Variants in OXCT1 observed in about 807,000 individuals in gnomAD.
OXCT1 encodes the protein 3-oxoacid CoA-transferase 1, also known as succinyl-CoA:3-ketoacid coenzyme A transferase 1, mitochondrial.
In OXCT1, 27 loss-of-function variants were observed where a neutral mutation model predicts 69.6. The observed-to-expected ratio is 0.39, with a 90% CI of 0.29 to 0.54. The LOEUF is 0.54. Among genes scored for constraint, OXCT1 ranks in the 20% least tolerant of loss-of-function variants. The pLI is 0.72. For synonymous variants in OXCT1, 202 were observed against 217.8 expected, an observed-to-expected ratio of 0.93 and a Z score of 0.64; for missense variants, 437 against 650.2, an observed-to-expected ratio of 0.67 and a Z score of 3.57.
At chr5:41,739,531 T>A in intron 15 of OXCT1, 40 bp from the exon 16 acceptor site, 1 of 1,398,186 alleles carries the variant, frequency 7.2e-7, no homozygotes, top group Non-Finnish European at 1.0e-6. Flanking sequence ...ACAATTTCCA[T>A]CAAAATAATT....
At chr5:41,757,819 A>G (rs770391224) in intron 14 of OXCT1, among the ~76,000 whole-genome samples, 10 of 150,764 alleles carry the variant, frequency 6.6e-5, no homozygotes, top group Non-Finnish European at 1.3e-4. Context: ...GCCTTTCTGT[A>G]GATCTTAGTA....
chr5:41,791,912 T>A (rs1407013883), intron 13 of OXCT1, among the ~76,000 whole-genome samples: 1 of 152,302 alleles, frequency 6.6e-6, no homozygotes, highest in East Asian at 1.9e-4. Flanking sequence ...CACGCCATTC[T>A]CCTGCCTCAG....
intron 7 of OXCT1, among the ~76,000 whole-genome samples, chr5:41,813,633 T>TGC (rs1747091592): frequency 6.6e-6 from 1 of 152,040 alleles, no homozygotes; most frequent in Non-Finnish European, 1.5e-5. Flanking sequence ...AGGGTTTGGG[T>TGC]GCATCCCTTT....
At chr5:41,766,289 T>A (rs1205372309) in intron 13 of OXCT1, among the ~76,000 whole-genome samples, 1 of 152,130 alleles carries the variant, frequency 6.6e-6, no homozygotes, top group Admixed American at 6.6e-5. Flanking sequence ...ACAACAGTTA[T>A]ACAACCTTTC....
Position 41,739,745 on chromosome 5 carries a change from C to A in OXCT1, c.1420-254G>T, listed in dbSNP as rs573656272. 9.8e-4 allele frequency: 363 copies of A among 371,550 alleles called. 6 individuals carry two copies. Among genetic ancestry groups the A allele is most frequent in the South Asian group, 7.5e-3 (346 of 46,114 alleles). The allele number at this position is 371,550 out of a possible 1,614,324, so 23.0% of individuals were successfully genotyped here. A position where few individuals can be genotyped will look rare whatever the true frequency, so the allele number is the denominator to read the frequency against. Reference sequence around the variant, plus strand: ...AATTAGCTGGGCATGGTGGCAGGCACCTGTAGTCCCAGCTACTTGGGAGGC... The same window carrying A: ...AATTAGCTGGGCATGGTGGCAGGCAACTGTAGTCCCAGCTACTTGGGAGGC... On this transcript the variant is annotated intron_variant, in intron 15 of 16. Transcript: ENST00000196371.
intron 16 of OXCT1, among the ~76,000 whole-genome samples, chr5:41,733,055 G>GACTTAT (rs1742713820): frequency 6.6e-6 from 1 of 152,082 alleles, no homozygotes; most frequent in Non-Finnish European, 1.5e-5. Flanking sequence ...AACGCATTAT[G>GACTTAT]ACTTATTTCT....
intron 7 of OXCT1, among the ~76,000 whole-genome samples, chr5:41,833,202 AC>A (rs1748182347): frequency 6.6e-6 from 1 of 152,194 alleles, no homozygotes; most frequent in Non-Finnish European, 1.5e-5. Context: ...CTCCAAAGCT[AC>A]CTTTTGCGAG....
At chr5:41,752,213 A>G (rs536858159) in intron 14 of OXCT1, among the ~76,000 whole-genome samples, 7 of 152,168 alleles carry the variant, frequency 4.6e-5, no homozygotes, top group Non-Finnish European at 1.0e-4. Flanking sequence ...TCTGCCATAC[A>G]ATTTTTGTGG....
intron 13 of OXCT1, among the ~76,000 whole-genome samples, chr5:41,768,759 C>T (rs1744735982): frequency 1.3e-5 from 2 of 152,190 alleles, no homozygotes; most frequent in South Asian, 4.1e-4. Flanking sequence ...CAGCTTTGTC[C>T]CTCTCTGTCC....
chr5:41,761,596 AG>A (rs574007012), intron 14 of OXCT1, among the ~76,000 whole-genome samples: 235 of 152,268 alleles, frequency 1.5e-3, no homozygotes, highest in African/African-American at 5.4e-3. Context: ...TCAAAATAAA[AG>A]TATAATACCT....
At chr5:41,807,522 C>T (rs1000415317) in intron 7 of OXCT1, 84 bp from the exon 8 acceptor site, 41 of 764,348 alleles carry the variant, frequency 5.4e-5, no homozygotes, top group Middle Eastern at 3.4e-4. Flanking sequence ...CACAACTTCA[C>T]ATACAACTTA....
intron 5 of OXCT1, among the ~76,000 whole-genome samples, chr5:41,845,825 T>G (rs1412400738): frequency 6.6e-6 from 1 of 152,162 alleles, no homozygotes; most frequent in Non-Finnish European, 1.5e-5. Context: ...TCCTGTCTTT[T>G]ACTTTGTCAA....
chr5:41,738,968 A>G (rs1476742416), intron 16 of OXCT1, among the ~76,000 whole-genome samples: 1 of 152,258 alleles, frequency 6.6e-6, no homozygotes, highest in African/African-American at 2.4e-5. Flanking sequence ...CATAGAATTT[A>G]GAGAAAGTCA....
intron 14 of OXCT1, among the ~76,000 whole-genome samples, chr5:41,752,004 AT>A (rs1417387138): frequency 7.2e-5 from 11 of 152,150 alleles, no homozygotes; most frequent in African/African-American, 2.4e-4. Context: ...ACTAGCTCCC[AT>A]GTTAGCACTC....
At chr5:41,756,948 A>G (rs1744106336) in intron 14 of OXCT1, among the ~76,000 whole-genome samples, 1 of 152,068 alleles carries the variant, frequency 6.6e-6, no homozygotes, top group Admixed American at 6.6e-5. Context: ...GGCAAGAGAG[A>G]TAACAGATTC....
At chr5:41,832,206 T>C (rs965639857) in intron 7 of OXCT1, among the ~76,000 whole-genome samples, 1 of 152,170 alleles carries the variant, frequency 6.6e-6, no homozygotes, top group Non-Finnish European at 1.5e-5. Context: ...CAGGTAGTAG[T>C]TAACAGCAGG....
chr5:41,741,778 T>C (rs1166133556), intron 15 of OXCT1, among the ~76,000 whole-genome samples: 1 of 152,224 alleles, frequency 6.6e-6, no homozygotes, highest in East Asian at 1.9e-4. Flanking sequence ...TCAGTAAACT[T>C]TCCTTTTGCT....
At chr5:41,816,155 A>G (rs1399380961) in intron 7 of OXCT1, among the ~76,000 whole-genome samples, 1 of 152,152 alleles carries the variant, frequency 6.6e-6, no homozygotes, top group African/African-American at 2.4e-5. Flanking sequence ...GCTTTACTTT[A>G]TTCATTTCAT....
chr5:41,810,998 C>A (rs929914751), intron 7 of OXCT1, among the ~76,000 whole-genome samples: 1 of 149,586 alleles, frequency 6.7e-6, no homozygotes, highest in Non-Finnish European at 1.5e-5. Flanking sequence ...GAGGAAACTT[C>A]TTTTGCCAAA....
Sources: gnomAD v4.1 joint callset for allele counts (sites outside exome capture counted in the v4.1 genomes callset) on GRCh38, gnomAD v4.1.1 for gene constraint, MANE v1.5 for transcripts, NCBI Gene and HGNC (gene_info 2026-07-23, HGNC 2026-07-21) for gene names.